MRPS31: variants seen among roughly 807,000 people sequenced by gnomAD.
MRPS31 encodes the protein small ribosomal subunit protein mS31.
Under a neutral mutation model 43.1 loss-of-function variants are expected in MRPS31, and 32 were observed. The ratio of observed to expected loss-of-function variants is 0.74; its 90% confidence interval spans 0.56 to 1.00. MRPS31 has a LOEUF of 1.00. Ranked by LOEUF, MRPS31 falls within the 50% of genes least tolerant of loss-of-function variation. The pLI is 0.00. For missense variants in MRPS31, 437 were observed against 466.7 expected (o/e 0.94, Z 0.59); for synonymous variants, 165 against 161.6 (o/e 1.02, Z -0.16).
At chr13:40,759,427 G>C (rs541324611) in intron 2 of MRPS31, among the ~76,000 whole-genome samples, 2 of 151,998 alleles carry the variant, frequency 1.3e-5, no homozygotes, top group South Asian at 4.1e-4. Flanking sequence ...GACAGAGCGA[G>C]ACTCTGTCTC....
intron 6 of MRPS31, among the ~76,000 whole-genome samples, chr13:40,730,448 C>G (rs1025158604): frequency 1.3e-5 from 2 of 152,002 alleles, no homozygotes; most frequent in East Asian, 1.9e-4. Flanking sequence ...TTGTTTGAAC[C>G]CAAGAGGCAA....
At chr13:40,759,891 A>G (rs1421763357) in intron 2 of MRPS31, among the ~76,000 whole-genome samples, 1 of 152,228 alleles carries the variant, frequency 6.6e-6, no homozygotes. Context: ...TATCCATACA[A>G]TGGAAGAGTA....
intron 6 of MRPS31, among the ~76,000 whole-genome samples, chr13:40,745,085 C>G (rs1043668079): frequency 1.3e-5 from 2 of 151,520 alleles, no homozygotes; most frequent in African/African-American, 4.9e-5. Flanking sequence ...CCAAGCCTGG[C>G]TAATTTTTGT....
intron 5 of MRPS31, among the ~76,000 whole-genome samples, chr13:40,753,479 C>T (rs1416406958): frequency 1.3e-5 from 2 of 152,176 alleles, no homozygotes; most frequent in Admixed American, 1.3e-4. Context: ...AAGGGGGAAG[C>T]CTGACCGAAA....
At position 40,735,296 on chromosome 13, in the gene MRPS31, G is replaced by C. The variant is rs547417922; in HGVS notation, c.959-5695C>G. Among the ~76,000 whole-genome samples, 17 of 152,270 alleles carry C rather than the reference G, an allele frequency of 1.1e-4. No individual in the cohort carries two copies. In the East Asian group the frequency reaches 2.7e-3, roughly 24 times the overall value. ...GAGGGTCCTACGCCCACGGAGTCTC[G>C]CTGATTGCTAGCACAGCAGTCTGAG... On this transcript the variant is annotated intron_variant, in intron 6 of 6. Transcript: ENST00000323563.
intron 6 of MRPS31, among the ~76,000 whole-genome samples, chr13:40,735,692 G>T (rs1382014872): frequency 6.6e-6 from 1 of 151,996 alleles, no homozygotes; most frequent in Admixed American, 6.6e-5. Context: ...ACACTGCAGG[G>T]TACTCCAACA....
chr13:40,755,065 G>A (rs1032755466), intron 4 of MRPS31, among the ~76,000 whole-genome samples: 8 of 152,096 alleles, frequency 5.3e-5, no homozygotes, highest in African/African-American at 1.9e-4. Flanking sequence ...AAACTGGAGG[G>A]TTAGTTTTAA....
chr13:40,745,218 G>A (rs1351886664), intron 6 of MRPS31, among the ~76,000 whole-genome samples: 2 of 151,942 alleles, frequency 1.3e-5, no homozygotes, highest in Non-Finnish European at 2.9e-5. Flanking sequence ...CACTGCGCCC[G>A]GCCATATTTT....
At chr13:40,752,905 AT>A (rs1880430481) in intron 5 of MRPS31, among the ~76,000 whole-genome samples, 1 of 151,864 alleles carries the variant, frequency 6.6e-6, no homozygotes. Context: ...TGCCTGGATA[AT>A]TTTTTTCTAT....
chr13:40,748,024 T>G (rs746653496), intron 6 of MRPS31, among the ~76,000 whole-genome samples: 11 of 152,158 alleles, frequency 7.2e-5, no homozygotes, highest in Non-Finnish European at 1.3e-4. Flanking sequence ...TAAAAGATTA[T>G]CAAAAATTAA....
At chr13:40,763,577 T>C (rs1256278463) in intron 2 of MRPS31, among the ~76,000 whole-genome samples, 1 of 152,176 alleles carries the variant, frequency 6.6e-6, no homozygotes, top group Non-Finnish European at 1.5e-5. Flanking sequence ...GCTGAAATTC[T>C]ACAGTTATCA....
At chr13:40,754,343 T>A (rs1455031286) in intron 4 of MRPS31, among the ~76,000 whole-genome samples, 2 of 152,222 alleles carry the variant, frequency 1.3e-5, no homozygotes, top group Non-Finnish European at 2.9e-5. Context: ...ATTGAAAAGA[T>A]TAGCTTAATT....
chr13:40,766,188 T>C (rs1389475736), intron 2 of MRPS31, among the ~76,000 whole-genome samples: 1 of 152,250 alleles, frequency 6.6e-6, no homozygotes, highest in Non-Finnish European at 1.5e-5. Context: ...GTGTGTGAAA[T>C]TCTCAATGAG....
chr13:40,768,672 C>A (rs911088509), intron 1 of MRPS31, among the ~76,000 whole-genome samples: 1 of 152,110 alleles, frequency 6.6e-6, no homozygotes, highest in African/African-American at 2.4e-5. Context: ...AGGTGTGAGC[C>A]ACCACACCTG....
chr13:40,749,117 T>C (rs1880317547), intron 6 of MRPS31, 21 bp downstream of exon 6: 1 of 1,576,090 alleles, frequency 6.3e-7, no homozygotes. Flanking sequence ...CGTTTTATAA[T>C]CCCCTGAAAT....
rs754489555 is a variant in MRPS31 at position 40,770,998 on chromosome 13, C to A, written c.139G>T (p.Ala47Ser). ...CTGAGGACCTACCGGGCCAACAGCG[C>A]TGAACTGCGGTACCTGACTGTTCCG... The part of the protein sequence containing the change: ...RHGTVRYRSS[A>S]LLARTKNNIQ... The change falls in exon 1 of 7, where the codon GCG becomes TCG. Residue 47 changes from alanine to serine, a missense_variant. Coordinates refer to ENST00000323563, the MANE Select transcript of MRPS31 (RefSeq NM_005830.4). The A allele has an allele frequency of 6.2e-7, 1 of 1,614,170 alleles. No individual in the cohort carries two copies. Among genetic ancestry groups the A allele is most frequent in the Non-Finnish European group, 8.5e-7 (1 of 1,180,038 alleles).
intron 6 of MRPS31, among the ~76,000 whole-genome samples, chr13:40,733,356 T>C (rs1420892868): frequency 1.3e-5 from 2 of 151,272 alleles, no homozygotes; most frequent in African/African-American, 2.4e-5. Context: ...AATGGAGAGA[T>C]TGTAAGATAA....
intron 6 of MRPS31, among the ~76,000 whole-genome samples, chr13:40,738,188 AAG>A (rs1308035580): frequency 1.3e-5 from 2 of 151,360 alleles, no homozygotes; most frequent in African/African-American, 4.8e-5. Flanking sequence ...GAAAATCTAG[AAG>A]AAATGGATAA....
intron 6 of MRPS31, among the ~76,000 whole-genome samples, chr13:40,738,623 G>C (rs1879992972): frequency 1.3e-5 from 2 of 152,080 alleles, no homozygotes; most frequent in African/African-American, 4.8e-5. Flanking sequence ...GGGATGCAAG[G>C]CTGGTTCAAT....
Sources: gnomAD v4.1 joint callset for allele counts (sites outside exome capture counted in the v4.1 genomes callset) on GRCh38, gnomAD v4.1.1 for gene constraint, MANE v1.5 for transcripts, NCBI Gene and HGNC (gene_info 2026-07-23, HGNC 2026-07-21) for gene names.